Variants in RAD51C observed in about 807,000 individuals in gnomAD.
RAD51C encodes DNA repair protein RAD51 homolog 3.
In RAD51C, 42 loss-of-function variants were observed where a neutral mutation model predicts 45.0. The ratio of observed to expected loss-of-function variants is 0.93; its 90% CI spans 0.73 to 1.21. RAD51C has a LOEUF of 1.21. RAD51C is among the 50% of genes most tolerant of loss of function. RAD51C has a pLI of 0.00. For synonymous variants in RAD51C, 172 were observed against 159.8 expected (o/e 1.08, Z -0.58); for missense variants, 474 against 452.2 (o/e 1.05, Z -0.44).
chr17:58,723,704 CAAA>C (rs879528364), intron 6 of RAD51C, among the ~76,000 whole-genome samples: 1 of 133,250 alleles, frequency 7.5e-6, no homozygotes, highest in Non-Finnish European at 1.6e-5. Context: ...CTGTTGATGT[CAAA>C]AAAAAAAAAA....
chr17:58,699,787 T>C (rs405684), intron 3 of RAD51C: 96,797 of 151,992 alleles, frequency 0.64, 31,204 homozygotes, highest in African/African-American at 0.71. Context: ...TTTAGAGACT[T>C]AGGGTCCTTT....
intron 3 of RAD51C, among the ~76,000 whole-genome samples, chr17:58,701,829 C>T (rs1387347023): frequency 6.6e-6 from 1 of 151,790 alleles, no homozygotes; most frequent in Non-Finnish European, 1.5e-5. Context: ...TCCCAAAGTG[C>T]TGTGATTACA....
At chr17:58,727,444 C>G (rs1282941066) in intron 7 of RAD51C, among the ~76,000 whole-genome samples, 2 of 152,058 alleles carry the variant, frequency 1.3e-5, no homozygotes, top group East Asian at 3.9e-4. Context: ...TTATGGAGTT[C>G]ATTTCTTTTC....
chr17:58,725,701 A>C (rs931387474), intron 7 of RAD51C, among the ~76,000 whole-genome samples: 5 of 152,150 alleles, frequency 3.3e-5, no homozygotes, highest in African/African-American at 1.2e-4. Context: ...GAAATTAGAA[A>C]CTAAAGTACA....
Position 58,696,784 on chromosome 17 carries a change from GT to G in RAD51C, c.498del (p.Asp167IlefsTer4), listed in dbSNP as rs746993675. The G allele has an allele frequency of 6.2e-7, 1 of 1,614,196 alleles. No homozygotes were observed. The highest frequency in any genetic ancestry group is 8.5e-7 in the Non-Finnish European group (1 of 1,180,032). ...VFIDTEGSFM[V>X]DRVVDLATAC... ...TATTGATACAGAGGGAAGTTTTATG[GT>G]TGATAGAGTGGTAGACCTTGCTACT... is the stretch of plus-strand genomic sequence containing the variant. On this transcript the variant is annotated frameshift_variant, in exon 3 of 9. Coordinates refer to ENST00000337432, the MANE Select transcript of RAD51C (RefSeq NM_058216.3). LOFTEE classifies it high-confidence loss of function.
At chr17:58,709,173 G>A (rs1474565245) in intron 4 of RAD51C, among the ~76,000 whole-genome samples, 2 of 150,658 alleles carry the variant, frequency 1.3e-5, no homozygotes, top group African/African-American at 2.4e-5. Context: ...CTGCCACCAG[G>A]GTTCAAGAGA....
At position 58,694,998 on chromosome 17, in the gene RAD51C, TAAACC is replaced by T. The variant is rs786202563; in HGVS notation, c.216_220del (p.Pro73IlefsTer6). 6.2e-7 allele frequency: 1 copy of T among 1,614,102 alleles called. No homozygotes were observed. The highest frequency in any genetic ancestry group is 8.5e-7 in the Non-Finnish European group (1 of 1,179,980). On this transcript the variant is annotated frameshift_variant, in exon 2 of 9. Transcript: ENST00000337432. LOFTEE classifies it high-confidence loss of function. ...TTATCAGAAGAGAATGTCTCACAAA[TAAACC>T]AAGATATGCTGGTACATCTGAGTCA...
intron 5 of RAD51C, among the ~76,000 whole-genome samples, chr17:58,717,460 C>T (rs1462411292): frequency 6.6e-6 from 1 of 151,814 alleles, no homozygotes; most frequent in African/African-American, 2.4e-5. Flanking sequence ...AGCTGCCGGC[C>T]GGGTGTGGTG....
chr17:58,705,146 A>G (rs1020287884), intron 4 of RAD51C, among the ~76,000 whole-genome samples: 6 of 152,024 alleles, frequency 3.9e-5, no homozygotes, highest in Non-Finnish European at 7.4e-5. Flanking sequence ...ATAAATAAAA[A>G]TTAAATAAAT....
intron 5 of RAD51C, among the ~76,000 whole-genome samples, chr17:58,713,300 T>C (rs2048622356): frequency 6.6e-6 from 1 of 152,182 alleles, no homozygotes; most frequent in Non-Finnish European, 1.5e-5. Context: ...TATTTTGCTG[T>C]ATGACTGTAG....
intron 5 of RAD51C, among the ~76,000 whole-genome samples, chr17:58,711,364 T>C (rs985062304): frequency 7.9e-5 from 12 of 152,314 alleles, no homozygotes; most frequent in Admixed American, 3.9e-4. Context: ...GTATATAAAA[T>C]ATATTTAATG....
Position 58,719,211 on chromosome 17 carries a change from G to A in RAD51C, c.838-1535G>A, listed in dbSNP as rs146253218. Among the ~76,000 whole-genome samples, 89 of 151,888 alleles carry A rather than the reference G, an allele frequency of 5.9e-4. No individual in the cohort carries two copies. In the East Asian group the frequency reaches 0.012, roughly 21 times the overall value. On this transcript the variant is annotated intron_variant, in intron 5 of 8. Transcript: ENST00000337432. Reference sequence around the variant, plus strand: ...TGCACTCCAGCCTGGGCAACAGAGCGAGACTCAGTCTTTCTTTTTTGAGAC... The same window carrying A: ...TGCACTCCAGCCTGGGCAACAGAGCAAGACTCAGTCTTTCTTTTTTGAGAC...
Position 58,732,557 on chromosome 17 carries a change from T to C in RAD51C, c.1026+13T>C, listed in dbSNP as rs531535812. The C allele has an allele frequency of 1.1e-4, 176 of 1,606,574 alleles. 5 individuals carry two copies. In the South Asian group the frequency reaches 1.9e-3, roughly 17 times the overall value. ...GTTTCAAATCAAAGTCAGTATTATT[T>C]GATTAGAGTGGGATTTTGATATTGA... On this transcript the variant is annotated intron_variant, in intron 8 of 8. Transcript: ENST00000337432.
intron 7 of RAD51C, among the ~76,000 whole-genome samples, chr17:58,729,802 C>G (rs2049338069): frequency 6.6e-6 from 1 of 151,536 alleles, no homozygotes; most frequent in African/African-American, 2.4e-5. Flanking sequence ...GGATGCCTGA[C>G]CTCAAGTGAC....
At chr17:58,695,324 A>C in intron 2 of RAD51C, 135 bp downstream of exon 2, 8 of 1,413,436 alleles carry the variant, frequency 5.7e-6, no homozygotes, top group Middle Eastern at 5.2e-4. Flanking sequence ...ATTAAACAAA[A>C]ATTAGCTTAC....
chr17:58,693,895 G>A (rs150669707), intron 1 of RAD51C: 2 of 152,238 alleles, frequency 1.3e-5, no homozygotes, highest in Non-Finnish European at 2.9e-5. Context: ...CCTAAATGCT[G>A]TCATCACCAT....
chr17:58,708,054 G>A (rs532776566), intron 4 of RAD51C, among the ~76,000 whole-genome samples: 1 of 152,106 alleles, frequency 6.6e-6, no homozygotes, highest in Admixed American at 6.6e-5. Context: ...TTCAATTTAC[G>A]AATATTGGGG....
At chr17:58,703,432 C>A (rs2143804640) in intron 4 of RAD51C, 103 bp downstream of exon 4, 1 of 1,297,514 alleles carries the variant, frequency 7.7e-7, no homozygotes, top group Non-Finnish European at 1.1e-6. Context: ...AAAGTCAAAG[C>A]CAATTGAGAA....
At chr17:58,712,079 C>T (rs1040288510) in intron 5 of RAD51C, among the ~76,000 whole-genome samples, 3 of 151,614 alleles carry the variant, frequency 2.0e-5, no homozygotes, top group Non-Finnish European at 2.9e-5. Flanking sequence ...CCGGGCACGG[C>T]GGCTCACATC....
Sources: allele counts gnomAD v4.1 joint callset (sites outside exome capture counted in the v4.1 genomes callset), GRCh38; gene constraint gnomAD v4.1.1; transcripts MANE v1.5; gene names NCBI Gene and HGNC (gene_info 2026-07-23, HGNC 2026-07-21).